PPM1E: variants seen among roughly 807,000 people sequenced by gnomAD.
PPM1E encodes protein phosphatase 1E.
Under a neutral mutation model 65.9 loss-of-function variants are expected in PPM1E, and 20 were observed. The observed-to-expected ratio is 0.30, with a 90% confidence interval of 0.21 to 0.44. The LOEUF (loss-of-function observed/expected upper bound fraction) is 0.44. Among genes scored for constraint, PPM1E ranks in the 20% least tolerant of loss-of-function variants. PPM1E has a pLI of 1.00. For missense variants in PPM1E, 713 were observed against 953.1 expected, an observed-to-expected ratio of 0.75 and a Z score of 3.32; for synonymous variants, 352 against 374.9, an observed-to-expected ratio of 0.94 and a Z score of 0.70.
At chr17:58,933,231 T>G (rs1316129287) in intron 1 of PPM1E, among the ~76,000 whole-genome samples, 1 of 152,208 alleles carries the variant, frequency 6.6e-6, no homozygotes, top group Non-Finnish European at 1.5e-5. Context: ...GTATAATTAG[T>G]CTGCTGTTCA....
At chr17:58,768,190 G>A (rs2049901850) in intron 1 of PPM1E, among the ~76,000 whole-genome samples, 1 of 152,118 alleles carries the variant, frequency 6.6e-6, no homozygotes, top group South Asian at 2.1e-4. Flanking sequence ...GGCCTCAAGT[G>A]ATCTGCCCGC....
At chr17:58,971,698 C>T (rs961841029) in intron 4 of PPM1E, among the ~76,000 whole-genome samples, 27 of 152,074 alleles carry the variant, frequency 1.8e-4, no homozygotes, top group African/African-American at 5.8e-4. Context: ...TAGGACTCTC[C>T]CACTGAACAA....
At chr17:58,876,572 T>G (rs2051128762) in intron 1 of PPM1E, among the ~76,000 whole-genome samples, 1 of 152,218 alleles carries the variant, frequency 6.6e-6, no homozygotes, top group South Asian at 2.1e-4. Context: ...TACTTGTTAT[T>G]TCTAATCCTC....
At chr17:58,775,890 C>A (rs367865026) in intron 1 of PPM1E, among the ~76,000 whole-genome samples, 2 of 117,384 alleles carry the variant, frequency 1.7e-5, no homozygotes, top group Non-Finnish European at 3.2e-5. Flanking sequence ...GTCCGCAGTC[C>A]GGCCTGGGCG....
At chr17:58,805,847 C>T (rs1313313526) in intron 1 of PPM1E, among the ~76,000 whole-genome samples, 2 of 149,724 alleles carry the variant, frequency 1.3e-5, no homozygotes, top group Non-Finnish European at 3.0e-5. Context: ...AAAATCATAT[C>T]ACTTATAGTT....
chr17:58,925,196 A>C (rs1340408766), intron 1 of PPM1E, among the ~76,000 whole-genome samples: 1 of 152,148 alleles, frequency 6.6e-6, no homozygotes, highest in African/African-American at 2.4e-5. Flanking sequence ...TCCCACCAAC[A>C]GTGTAAAAGC....
At chr17:58,951,866 G>C (rs1263408247) in intron 1 of PPM1E, among the ~76,000 whole-genome samples, 1 of 151,968 alleles carries the variant, frequency 6.6e-6, no homozygotes, top group African/African-American at 2.4e-5. Flanking sequence ...CTTACGATTG[G>C]GGTTTGTTCC....
At chr17:58,828,080 G>T (rs547356983) in intron 1 of PPM1E, among the ~76,000 whole-genome samples, 1 of 151,590 alleles carries the variant, frequency 6.6e-6, no homozygotes, top group Admixed American at 6.6e-5. Flanking sequence ...TTAGCCAGGC[G>T]TGATGGCAGG....
intron 1 of PPM1E, among the ~76,000 whole-genome samples, chr17:58,865,621 G>A (rs2050994038): frequency 6.6e-6 from 1 of 152,142 alleles, no homozygotes. Context: ...GATTGCTTAA[G>A]CCTGGAAGGT....
At chr17:58,909,924 C>CTTTTTTTTTTTTTTTTTTTTTTTTT (rs35833275) in intron 1 of PPM1E, among the ~76,000 whole-genome samples, 28 of 90,034 alleles carry the variant, frequency 3.1e-4, no homozygotes, top group Non-Finnish European at 4.4e-4. Context: ...TTTTCTTTTT[C>CTTTTTTTTTTTTTTTTTTTTTTTTT]TTTTTTTTTT....
At chr17:58,870,025 G>A (rs1309686054) in intron 1 of PPM1E, among the ~76,000 whole-genome samples, 1 of 152,096 alleles carries the variant, frequency 6.6e-6, no homozygotes, top group East Asian at 1.9e-4. Flanking sequence ...ATGCCTTTAA[G>A]TTCTACCTTT....
rs376193641 is a variant in PPM1E at position 58,817,773 on chromosome 17, A to G, written c.464+61312A>G. 4.6e-5 allele frequency among the ~76,000 whole-genome samples: 7 copies of G among 150,630 alleles called. No homozygotes were observed. The East Asian group carries it at 9.7e-4, about 21-fold the overall frequency. The stretch of plus-strand genomic sequence containing the variant: ...ACACTCTAGTTTTTTTTTTTTTGAG[A>G]CAGAGTCTTGCTCTGTCGCCCAGGC... On this transcript the variant is annotated intron_variant, in intron 1 of 6. Transcript: ENST00000308249.
chr17:58,890,084 G>A (rs531862055), intron 1 of PPM1E, among the ~76,000 whole-genome samples: 2 of 152,230 alleles, frequency 1.3e-5, no homozygotes, highest in South Asian at 4.1e-4. Context: ...TAGAAGCATT[G>A]CTCCTAGAGG....
At chr17:58,918,117 C>T (rs1429961409) in intron 1 of PPM1E, among the ~76,000 whole-genome samples, 1 of 152,042 alleles carries the variant, frequency 6.6e-6, no homozygotes, top group Non-Finnish European at 1.5e-5. Flanking sequence ...GGTTTATTTT[C>T]TGAGTTTAAC....
At chr17:58,821,116 T>C in intron 1 of PPM1E, among the ~76,000 whole-genome samples, 1 of 152,112 alleles carries the variant, frequency 6.6e-6, no homozygotes, top group Non-Finnish European at 1.5e-5. Flanking sequence ...TGTTTGTTTG[T>C]TTTTGGTTTT....
At chr17:58,837,453 G>A (rs1232288265) in intron 1 of PPM1E, among the ~76,000 whole-genome samples, 2 of 147,666 alleles carry the variant, frequency 1.4e-5, no homozygotes, top group African/African-American at 5.0e-5. Context: ...TTTATGTTAA[G>A]AAATTGTTTT....
chr17:58,801,589 G>A (rs961665638), intron 1 of PPM1E, among the ~76,000 whole-genome samples: 6 of 148,358 alleles, frequency 4.0e-5, no homozygotes, highest in South Asian at 2.2e-4. Flanking sequence ...CTACAGGCAC[G>A]TGCCACCAGG....
chr17:58,765,778 C>G (rs1041228238), intron 1 of PPM1E, among the ~76,000 whole-genome samples: 4 of 151,602 alleles, frequency 2.6e-5, no homozygotes, highest in African/African-American at 9.7e-5. Context: ...TATAAGATCA[C>G]TATAGAAACA....
At chr17:58,825,053 A>C (rs961904415) in intron 1 of PPM1E, among the ~76,000 whole-genome samples, 2 of 151,980 alleles carry the variant, frequency 1.3e-5, no homozygotes, top group Admixed American at 6.6e-5. Flanking sequence ...GGGATAAAAG[A>C]CTACAAATAT....
Sources: allele counts gnomAD v4.1 joint callset (sites outside exome capture counted in the v4.1 genomes callset), GRCh38; gene constraint gnomAD v4.1.1; transcripts MANE v1.5; gene names NCBI Gene and HGNC (gene_info 2026-07-23, HGNC 2026-07-21).